VDAC2: variants seen among roughly 807,000 people sequenced by gnomAD.
VDAC2 encodes non-selective voltage-gated ion channel VDAC2.
A neutral mutation model predicts 36.6 loss-of-function variants in VDAC2; 6 were observed. The ratio of observed to expected loss-of-function variants is 0.16; its 90% CI spans 0.09 to 0.32. The LOEUF (loss-of-function observed/expected upper bound fraction) is 0.32, where lower values mean the gene tolerates loss of function less well. VDAC2 is among the 10% of genes least tolerant of loss of function. The pLI, the probability that VDAC2 is intolerant of heterozygous loss-of-function variation, is 1.00. For synonymous variants in VDAC2, 109 were observed against 123.8 expected, an observed-to-expected ratio of 0.88 and a Z score of 0.79; for missense variants, 247 against 346.0, an observed-to-expected ratio of 0.71 and a Z score of 2.27.
chr10:75,211,327 C>T (rs1841412565), intron 2 of VDAC2, 138 bp downstream of exon 2: 7 of 1,414,734 alleles, frequency 4.9e-6, no homozygotes, highest in Non-Finnish European at 6.7e-6. Context: ...ACCGTCTGAC[C>T]ACCTCCTCTG....
At chr10:75,217,905 T>C in intron 4 of VDAC2, 3 of 1,287,414 alleles carry the variant, frequency 2.3e-6, no homozygotes, top group Non-Finnish European at 3.0e-6. Flanking sequence ...AATTTCTGGC[T>C]GTAGTCTCTT....
At chr10:75,213,535 G>A (rs1018437698) in intron 3 of VDAC2, among the ~76,000 whole-genome samples, 36 of 152,050 alleles carry the variant, frequency 2.4e-4, no homozygotes, top group Non-Finnish European at 1.2e-4. Context: ...ACGAGGTCAG[G>A]AGATCGAGAC....
chr10:75,221,756 G>T (rs1227140462), intron 7 of VDAC2, among the ~76,000 whole-genome samples: 1 of 152,204 alleles, frequency 6.6e-6, no homozygotes, highest in African/African-American at 2.4e-5. Flanking sequence ...TTATAGGCGT[G>T]AGCCACTGCA....
At position 75,217,995 on chromosome 10, in the gene VDAC2, C is replaced by T. The variant is rs1482684585; in HGVS notation, c.151-1068C>T. 3.3e-6 allele frequency: 4 copies of T among 1,226,896 alleles called. No individual in the cohort carries two copies. The African/African-American group carries it at 6.2e-5, about 19-fold the overall frequency. 76.0% of individuals were successfully genotyped at this position (1,226,896 alleles called of 1,614,324 possible). ...CCCAGCTACTCAGGAGGCTGAGGTA[C>T]GTGGATCACTTGAGCCTGGGAGGTT... On this transcript the variant is annotated intron_variant, in intron 4 of 9. Coordinates refer to ENST00000332211, the MANE Select transcript of VDAC2 (RefSeq NM_001391963.1).
At position 75,219,073 on chromosome 10, in the gene VDAC2, C is replaced by T. The variant is rs1260788797; in HGVS notation, c.161C>T (p.Thr54Met). The T allele has an allele frequency of 9.4e-6, 15 of 1,600,848 alleles. No individual in the cohort carries two copies. Among genetic ancestry groups the T allele is most frequent in the South Asian group, 4.6e-5 (4 of 87,836 alleles). The change falls in exon 5 of 10, where the codon ACG (threonine) becomes ATG (methionine). Residue 54 changes from threonine (T) to methionine (M), a missense_variant. Transcript: ENST00000332211. ...TKSCSGVEFS[T>M]SGSSNTDTGK... ...TGATTGTCTTGTTAGGAATTTTCAA[C>T]GTCCGGTTCATCTAATACAGACACT...
chr10:75,229,440 G>A (rs535582144), intron 8 of VDAC2: 1 of 447,378 alleles, frequency 2.2e-6, no homozygotes, highest in East Asian at 3.9e-5. Context: ...CAAGAGTATT[G>A]TGTCCTACTG....
intron 3 of VDAC2, among the ~76,000 whole-genome samples, chr10:75,212,676 A>G (rs1841463383): frequency 6.6e-6 from 1 of 152,206 alleles, no homozygotes; most frequent in Non-Finnish European, 1.5e-5. Flanking sequence ...CGTTACAGAC[A>G]TGAGCCACTG....
In VDAC2 at chr10:75,211,092, C is replaced by T. The variant is rs1016607424; in HGVS notation, c.-25-42C>T. ...CTCTCTGCCCGGGATCTCCCTTTGG[C>T]CCTTTGACCCCAGCTTACCGCACTT... On this transcript the variant is annotated intron_variant, in intron 1 of 9. Coordinates refer to ENST00000332211, the MANE Select transcript of VDAC2 (RefSeq NM_001391963.1). 1.2e-5 allele frequency: 18 copies of T among 1,561,670 alleles called. No individual in the cohort carries two copies. The African/African-American group carries it at 1.9e-4, about 17-fold the overall frequency.
intron 8 of VDAC2, among the ~76,000 whole-genome samples, chr10:75,228,743 A>G (rs962221085): frequency 2.6e-5 from 4 of 152,246 alleles, no homozygotes; most frequent in Non-Finnish European, 5.9e-5. Flanking sequence ...TTTTGGTCAC[A>G]TAGTCTGTTT....
At chr10:75,227,576 A>AGTTTTTTTTTTT (rs1841989654) in intron 8 of VDAC2, among the ~76,000 whole-genome samples, 32 of 90,758 alleles carry the variant, frequency 3.5e-4, no homozygotes, top group African/African-American at 1.6e-3. Context: ...AAATAATAGG[A>AGTTTTTTTTTTT]ATTTTTTTTT....
At chr10:75,210,551 A>T (rs1039283095), upstream of VDAC2, 14 of 151,886 alleles carry the variant, frequency 9.2e-5, no homozygotes, top group African/African-American at 3.1e-4. Flanking sequence ...GGCGGTCCCC[A>T]GCGCGCTGCC....
intron 3 of VDAC2, among the ~76,000 whole-genome samples, chr10:75,213,360 G>A (rs374328081): frequency 5.1e-4 from 77 of 152,242 alleles, no homozygotes; most frequent in African/African-American, 1.7e-3. Context: ...GATTTCAGGC[G>A]TGGGCCACCG....
intron 1 of VDAC2, 70 bp downstream of exon 1, chr10:75,211,008 G>C: frequency 3.4e-6 from 3 of 883,380 alleles, no homozygotes; most frequent in Non-Finnish European, 4.8e-6. Context: ...GGCCCGCGCC[G>C]GACTCGGAGT....
chr10:75,221,195 T>C (rs1841803190), intron 7 of VDAC2, among the ~76,000 whole-genome samples: 1 of 152,218 alleles, frequency 6.6e-6, no homozygotes, highest in South Asian at 2.1e-4. Flanking sequence ...TGGGGTTTAA[T>C]GTGCTTTGTA....
intron 2 of VDAC2, 182 bp downstream of exon 2, chr10:75,211,371 G>C: frequency 7.2e-7 from 1 of 1,396,706 alleles, no homozygotes; most frequent in South Asian, 1.5e-5. Context: ...ATTTCAAATG[G>C]GGAACAAGGC....
rs1841389005 is a variant in VDAC2, at chr10:75,210,870, C to T, written c.-94C>T. The T allele has an allele frequency of 5.6e-6, 2 of 354,724 alleles. No homozygotes were observed. Among genetic ancestry groups the T allele is most frequent in the Non-Finnish European group, 1.0e-5 (2 of 196,918 alleles). The allele number at this position is 354,724 out of a possible 1,614,324, so 22.0% of individuals were successfully genotyped here. A position where few individuals can be genotyped will look rare whatever the true frequency, so the allele number is the denominator to read the frequency against. On this transcript the variant is annotated 5_prime_UTR_variant, in exon 1 of 10. Transcript: ENST00000332211. ...CCAGCTGCTGGAGCTGCAGCCCGACCGCGAGCGTGCCAAGCGGCTTCAGCA... is the reference window on the plus strand; with the variant it reads ...CCAGCTGCTGGAGCTGCAGCCCGACTGCGAGCGTGCCAAGCGGCTTCAGCA...
chr10:75,222,543 C>T lies in VDAC2; in HGVS notation c.735+141C>T, dbSNP rs950581203. 5.9e-6 allele frequency: 7 copies of T among 1,184,226 alleles called. No homozygotes were observed. In the African/African-American group the frequency reaches 9.2e-5, roughly 16 times the overall value. The allele number at this position is 1,184,226 out of a possible 1,614,324, so 73.4% of individuals were successfully genotyped here. ...GATTAGTTTTAGATTTTGAAATGCGCTTTTTTGATGGATACAGTGTTAGAC... is the reference window on the plus strand; with the variant it reads ...GATTAGTTTTAGATTTTGAAATGCGTTTTTTTGATGGATACAGTGTTAGAC... On this transcript the variant is annotated intron_variant, in intron 8 of 9. Transcript: ENST00000332211.
intron 4 of VDAC2, among the ~76,000 whole-genome samples, chr10:75,215,030 C>G (rs992345747): frequency 6.6e-6 from 1 of 152,116 alleles, no homozygotes; most frequent in African/African-American, 2.4e-5. Flanking sequence ...CTTCCCACCT[C>G]AGCCTCCCAA....
intron 7 of VDAC2, among the ~76,000 whole-genome samples, chr10:75,221,674 A>G (rs1841818330): frequency 6.6e-6 from 1 of 151,944 alleles, no homozygotes; most frequent in African/African-American, 2.4e-5. Context: ...GGGTCTTGCT[A>G]TGTTGCCCAG....
Sources: gnomAD v4.1 joint callset for allele counts (sites outside exome capture counted in the v4.1 genomes callset) on GRCh38, gnomAD v4.1.1 for gene constraint, MANE v1.5 for transcripts, NCBI Gene and HGNC (gene_info 2026-07-23, HGNC 2026-07-21) for gene names.